The following EFCAB5 variants were observed in gnomAD, a reference collection of about 807,000 sequenced individuals.
The protein encoded by EFCAB5 is EF-hand calcium binding domain 5.
In EFCAB5, 131 loss-of-function variants were observed where a neutral mutation model predicts 167.9. That is an observed-to-expected ratio of 0.78 (90% CI 0.68 to 0.90). The LOEUF is 0.90. EFCAB5 is among the 40% of genes least tolerant of loss of function. EFCAB5 has a pLI of 0.00. For synonymous variants in EFCAB5, 574 were observed against 602.8 expected, an observed-to-expected ratio of 0.95 and a Z score of 0.70; for missense variants, 1,663 against 1,745.2, an observed-to-expected ratio of 0.95 and a Z score of 0.84.
chr17:30,069,285 A>G (rs2070664104), intron 14 of EFCAB5: 10 of 1,494,376 alleles, frequency 6.7e-6, no homozygotes, highest in Non-Finnish European at 9.3e-6. Context: ...ACATGGGGAG[A>G]TGGCAAAGGT....
intron 7 of EFCAB5, among the ~76,000 whole-genome samples, chr17:30,030,150 T>C (rs2069440546): frequency 6.6e-6 from 1 of 152,248 alleles, no homozygotes; most frequent in African/African-American, 2.4e-5. Flanking sequence ...ACTTCTGTAA[T>C]TATCTGGAAT....
chr17:29,942,162 A>T, intron 1 of EFCAB5, 78 bp from the exon 2 acceptor site: 1 of 1,217,970 alleles, frequency 8.2e-7, no homozygotes, highest in Non-Finnish European at 1.1e-6. Flanking sequence ...TTAAAAGCTT[A>T]CTGTATTAAA....
chr17:29,931,275 C>G (rs1213166204), intron 1 of EFCAB5, among the ~76,000 whole-genome samples: 14 of 152,138 alleles, frequency 9.2e-5, no homozygotes, highest in Admixed American at 8.5e-4. Flanking sequence ...TTAAAACCCA[C>G]CCCCTCCTGT....
rs1373698555 is a variant in EFCAB5, at chr17:29,968,999, A to C, written c.399A>C (p.Ile133=). The C allele has an allele frequency of 6.3e-7, 1 of 1,589,606 alleles. No individual in the cohort carries two copies. Among genetic ancestry groups the C allele is most frequent in the Non-Finnish European group, 8.6e-7 (1 of 1,169,486 alleles). The stretch of plus-strand genomic sequence containing the variant: ...GAGCCCAAGCAATGCAGCAGAAAAT[A>C]ATAGATAAGGAAAATCTGAAGAAGG... ...EARAQAMQQK[I]IDKENLKKEL... The change falls in exon 4 of 23, where the codon ATA becomes ATC. Residue 133 remains isoleucine (I), a synonymous_variant. Transcript: ENST00000394835.
intron 21 of EFCAB5, 143 bp from the exon 22 acceptor site, chr17:30,092,697 C>A (rs1489971429): frequency 3.8e-6 from 2 of 522,590 alleles, no homozygotes; most frequent in Non-Finnish European, 6.6e-6. Flanking sequence ...CCATGGGTAA[C>A]CATCATCTTC....
intron 4 of EFCAB5, among the ~76,000 whole-genome samples, chr17:29,974,541 C>CAA (rs752234036): frequency 1.1e-5 from 1 of 95,024 alleles, no homozygotes; most frequent in Non-Finnish European, 2.2e-5. Flanking sequence ...GACCCTGTCT[C>CAA]AAAAAAAAAA....
chr17:30,046,143 C>A (rs2069922242), intron 8 of EFCAB5, among the ~76,000 whole-genome samples: 1 of 152,106 alleles, frequency 6.6e-6, no homozygotes, highest in African/African-American at 2.4e-5. Context: ...AGTAAGGGAG[C>A]CTTCTGGCAG....
chr17:30,011,446 G>C (rs947043945), intron 7 of EFCAB5, among the ~76,000 whole-genome samples: 45 of 152,316 alleles, frequency 3.0e-4, no homozygotes, highest in Non-Finnish European at 5.0e-4. Flanking sequence ...AGCATGGAAT[G>C]TTCTTCCATT....
At chr17:30,032,302 A>G (rs911277668) in intron 7 of EFCAB5, among the ~76,000 whole-genome samples, 5 of 152,216 alleles carry the variant, frequency 3.3e-5, no homozygotes, top group Admixed American at 1.3e-4. Flanking sequence ...GTTTCTCTCC[A>G]TAACAGACTT....
chr17:30,009,507 C>T (rs1940495257), intron 7 of EFCAB5, among the ~76,000 whole-genome samples: 1 of 152,124 alleles, frequency 6.6e-6, no homozygotes, highest in South Asian at 2.1e-4. Flanking sequence ...TTGTTTTTGG[C>T]TTCTTGTACT....
intron 7 of EFCAB5, among the ~76,000 whole-genome samples, chr17:30,019,020 A>G (rs1248409467): frequency 6.6e-6 from 1 of 152,028 alleles, no homozygotes; most frequent in Admixed American, 6.6e-5. Flanking sequence ...CTAGCCTGAC[A>G]CCAGTTTGTT....
chr17:29,959,509 A>G (rs1597582470), intron 3 of EFCAB5, among the ~76,000 whole-genome samples: 1 of 151,450 alleles, frequency 6.6e-6, no homozygotes, highest in East Asian at 2.0e-4. Context: ...CCTGGCTACC[A>G]CTGATGTTTA....
chr17:30,023,579 C>T (rs1347033385), intron 7 of EFCAB5, among the ~76,000 whole-genome samples: 2 of 152,000 alleles, frequency 1.3e-5, no homozygotes, highest in African/African-American at 2.4e-5. Flanking sequence ...CAGATGGATT[C>T]GCTGCCGAAT....
intron 14 of EFCAB5, chr17:30,068,786 C>T (rs2070649462): frequency 7.4e-7 from 1 of 1,346,022 alleles, no homozygotes; most frequent in African/African-American, 1.4e-5. Context: ...TCCAGCCGGG[C>T]CCGCGAAATG....
intron 7 of EFCAB5, among the ~76,000 whole-genome samples, chr17:30,010,988 G>A (rs947189371): frequency 6.6e-6 from 1 of 151,988 alleles, no homozygotes; most frequent in Non-Finnish European, 1.5e-5. Context: ...TTGTAAGGAA[G>A]GGATTCAGTT....
chr17:30,100,869 C>T (rs1411653786), intron 22 of EFCAB5, among the ~76,000 whole-genome samples: 1 of 152,094 alleles, frequency 6.6e-6, no homozygotes, highest in African/African-American at 2.4e-5. Flanking sequence ...GTTATTTTAT[C>T]CTAAGAAAAG....
At position 30,078,413 on chromosome 17, in the gene EFCAB5, G is replaced by A. The variant is rs118026417; in HGVS notation, c.2936G>A (p.Arg979Gln). 28,972 of 1,613,918 alleles carry A rather than the reference G, an allele frequency of 0.018. 334 individuals carry two copies. The highest frequency in any genetic ancestry group is 0.022 in the Non-Finnish European group (25,857 of 1,179,856). Residue 979 changes from arginine to glutamine, a missense_variant, in exon 15 of 23, where the codon CGG becomes CAG. By Grantham distance (43) the Arg-to-Gln change is conservative. Coordinates refer to ENST00000394835, the MANE Select transcript of EFCAB5 (RefSeq NM_198529.4). ...HIESLRNSAR[R>Q]KWLHQIQCAA... ...GAGAGTCTGAGGAATTCTGCCAGGC[G>A]GAAATGGCTGCACCAAATCCAATGT...
intron 1 of EFCAB5, among the ~76,000 whole-genome samples, chr17:29,932,869 A>C (rs2067213963): frequency 6.6e-6 from 1 of 152,198 alleles, no homozygotes; most frequent in Non-Finnish European, 1.5e-5. Context: ...AATCCTGATC[A>C]AAATTGAATT....
At chr17:29,945,523 G>A (rs2067380200) in intron 3 of EFCAB5, among the ~76,000 whole-genome samples, 1 of 151,750 alleles carries the variant, frequency 6.6e-6, no homozygotes, top group Non-Finnish European at 1.5e-5. Flanking sequence ...ACCAGCCTGG[G>A]CAACACAGCA....
Sources: allele counts gnomAD v4.1 joint callset (sites outside exome capture counted in the v4.1 genomes callset), GRCh38; gene constraint gnomAD v4.1.1; transcripts MANE v1.5; gene names NCBI Gene and HGNC (gene_info 2026-07-23, HGNC 2026-07-21).